The following SLC44A1 variants were observed in gnomAD, a reference collection of about 807,000 sequenced individuals.
SLC44A1 encodes solute carrier family 44 member 1, also known as choline transporter-like protein 1.
A neutral mutation model predicts 79.3 loss-of-function variants in SLC44A1; 26 were observed. That is an observed-to-expected ratio of 0.33 (90% confidence interval 0.24 to 0.46). The LOEUF (loss-of-function observed/expected upper bound fraction) is 0.46. SLC44A1 is among the 20% of genes least tolerant of loss of function. The probability of loss-of-function intolerance (pLI) is 1.00; values close to 1 mark genes in which losing one functional copy is unlikely to be tolerated. For synonymous variants in SLC44A1, 263 were observed against 286.2 expected, an observed-to-expected ratio of 0.92 and a Z score of 0.82; for missense variants, 688 against 798.1, an observed-to-expected ratio of 0.86 and a Z score of 1.66.
At chr9:105,270,964 C>T (rs1225227051) in intron 1 of SLC44A1, among the ~76,000 whole-genome samples, 1 of 152,174 alleles carries the variant, frequency 6.6e-6, no homozygotes, top group Admixed American at 6.5e-5. Flanking sequence ...AATTAGGTTC[C>T]CTCTTCTAGG....
intron 1 of SLC44A1, among the ~76,000 whole-genome samples, chr9:105,258,543 G>A (rs780452263): frequency 2.0e-5 from 3 of 152,186 alleles, no homozygotes; most frequent in African/African-American, 7.2e-5. Context: ...GTAAAACTGG[G>A]AGTAGTTCCA....
rs186326002 is a variant in SLC44A1 at position 105,407,645 on chromosome 9, G to A, written c.1950+22143G>A. Among the ~76,000 whole-genome samples the A allele has an allele frequency of 1.8e-3, 281 of 152,162 alleles. 2 individuals carry two copies. The highest frequency in any genetic ancestry group is 6.3e-3 in the African/African-American group (260 of 41,514). On this transcript the variant is annotated intron_variant, in intron 15 of 15. Transcript: ENST00000374724. The stretch of plus-strand genomic sequence containing the variant: ...AGCACTTTGGGAGGCTGAGGCAGGC[G>A]GATTACCTGAGGTCAGGAGTTCAAG...
intron 15 of SLC44A1, among the ~76,000 whole-genome samples, chr9:105,420,241 G>A (rs1829228163): frequency 6.6e-6 from 1 of 152,184 alleles, no homozygotes; most frequent in African/African-American, 2.4e-5. Context: ...GAGGAAAGAG[G>A]CCAAATGTCC....
Position 105,395,844 on chromosome 9 carries a change from C to T in SLC44A1, c.*6788C>T. The T allele has an allele frequency of 1.0e-5, 10 of 980,158 alleles. No homozygotes were observed. Among genetic ancestry groups the T allele is most frequent in the Non-Finnish European group, 1.2e-5 (10 of 826,690 alleles). 60.7% of individuals were successfully genotyped at this position (980,158 alleles called of 1,614,324 possible). A position where few individuals can be genotyped will look rare whatever the true frequency, so the allele number is the denominator to read the frequency against. On this transcript the variant is annotated 3_prime_UTR_variant, in exon 16 of 16. Coordinates refer to ENST00000374720, the MANE Select transcript of SLC44A1 (RefSeq NM_080546.5). ...GGGTTCCATGGATCATTCTAGTTGC[C>T]ACTAGAAAATGTGAGCTCCTTCTTC...
At position 105,302,362 on chromosome 9, in the gene SLC44A1, C is replaced by CT. The variant is rs1024189110; in HGVS notation, c.126+3062dup. Reference sequence around the variant, plus strand: ...TGGGATCTCTTCTTTTTTTTCTTTTCTTTTTTTTTGAGACAGAGTCTTGCT... The same window carrying CT: ...TGGGATCTCTTCTTTTTTTTCTTTTCTTTTTTTTTTGAGACAGAGTCTTGCT... On this transcript the variant is annotated intron_variant, in intron 2 of 15. Coordinates refer to ENST00000374720, the MANE Select transcript of SLC44A1 (RefSeq NM_080546.5). Among the ~76,000 whole-genome samples the CT allele has an allele frequency of 5.0e-4, 75 of 149,994 alleles. 1 individual carries two copies. Among genetic ancestry groups the CT allele is most frequent in the Non-Finnish European group, 5.5e-4 (37 of 67,410 alleles).
chr9:105,381,961 C>CT lies in SLC44A1; in HGVS notation c.1633-1156dup, dbSNP rs368065112. ...GAGGCTGCCATGATTCTAGGGGTCT[C>CT]TTTTTTCCCTTTACTTAAAGCCTTA... On this transcript the variant is annotated intron_variant, in intron 13 of 15. Coordinates refer to ENST00000374720, the MANE Select transcript of SLC44A1 (RefSeq NM_080546.5). Among the ~76,000 whole-genome samples the CT allele has an allele frequency of 1.3e-3, 192 of 152,246 alleles. 1 individual carries two copies. The highest frequency in any genetic ancestry group is 0.01 in the Middle Eastern group (3 of 294).
At chr9:105,327,710 A>G (rs1426965582) in intron 3 of SLC44A1, among the ~76,000 whole-genome samples, 1 of 151,178 alleles carries the variant, frequency 6.6e-6, no homozygotes, top group Non-Finnish European at 1.5e-5. Flanking sequence ...CGCTGTTCCT[A>G]CCCCCTTTCA....
intron 3 of SLC44A1, among the ~76,000 whole-genome samples, chr9:105,317,283 G>A (rs1275215808): frequency 6.6e-6 from 1 of 152,140 alleles, no homozygotes; most frequent in Non-Finnish European, 1.5e-5. Context: ...GTACATATGA[G>A]TTGAAGACTC....
intron 3 of SLC44A1, among the ~76,000 whole-genome samples, chr9:105,329,206 T>TG: frequency 2.0e-5 from 3 of 152,198 alleles, no homozygotes; most frequent in Non-Finnish European, 4.4e-5. Context: ...CTATAAATTG[T>TG]AAATTGATAT....
chr9:105,274,117 T>G (rs1216294571), intron 1 of SLC44A1, among the ~76,000 whole-genome samples: 2 of 152,234 alleles, frequency 1.3e-5, no homozygotes, highest in Non-Finnish European at 2.9e-5. Context: ...TATCCATCTG[T>G]GAGGTTTTGC....
chr9:105,341,156 G>GAACT (rs1827074791), intron 4 of SLC44A1, among the ~76,000 whole-genome samples: 2 of 152,004 alleles, frequency 1.3e-5, no homozygotes, highest in South Asian at 4.2e-4. Flanking sequence ...CCAACATGGT[G>GAACT]AAACCTCATC....
At chr9:105,297,974 A>G (rs1830771927) in intron 1 of SLC44A1, among the ~76,000 whole-genome samples, 1 of 151,940 alleles carries the variant, frequency 6.6e-6, no homozygotes, top group African/African-American at 2.4e-5. Context: ...TTCTCCCTTC[A>G]CTGCTTACTG....
At chr9:105,248,787 C>G (rs1385064247) in intron 1 of SLC44A1, among the ~76,000 whole-genome samples, 1 of 152,208 alleles carries the variant, frequency 6.6e-6, no homozygotes, top group East Asian at 1.9e-4. Flanking sequence ...TAATTTCTAT[C>G]CTTGTAATGT....
chr9:105,395,829 G>A lies in SLC44A1; in HGVS notation c.*6773G>A, dbSNP rs1457989054. On this transcript the variant is annotated 3_prime_UTR_variant, in exon 16 of 16. Coordinates refer to ENST00000374720, the MANE Select transcript of SLC44A1 (RefSeq NM_080546.5). ...TTGGGCAGATAGAATGGGTTCCATG[G>A]ATCATTCTAGTTGCCACTAGAAAAT... The A allele has an allele frequency of 1.0e-6, 1 of 983,746 alleles. No individual in the cohort carries two copies. The highest frequency in any genetic ancestry group is 1.2e-6 in the Non-Finnish European group (1 of 829,174). 60.9% of individuals were successfully genotyped at this position (983,746 alleles called of 1,614,324 possible). A position where few individuals can be genotyped will look rare whatever the true frequency, so the allele number is the denominator to read the frequency against.
intron 1 of SLC44A1, among the ~76,000 whole-genome samples, chr9:105,286,796 T>C (rs1830489182): frequency 6.6e-6 from 1 of 151,952 alleles, no homozygotes; most frequent in Non-Finnish European, 1.5e-5. Context: ...AGACCCCATC[T>C]CTACAAAAAA....
At chr9:105,429,716 C>A (rs1761423638) in intron 15 of SLC44A1, among the ~76,000 whole-genome samples, 1 of 152,222 alleles carries the variant, frequency 6.6e-6, no homozygotes, top group East Asian at 1.9e-4. Flanking sequence ...AATCATCATC[C>A]AAGATTTAGA....
At chr9:105,399,129 G>T (rs765168611), downstream of SLC44A1, among the ~76,000 whole-genome samples, 2 of 152,148 alleles carry the variant, frequency 1.3e-5, no homozygotes, top group African/African-American at 2.4e-5. Context: ...AATTTGATGT[G>T]CCTCATTTAC....
Position 105,389,321 on chromosome 9 carries a change from A to G in SLC44A1, c.*265A>G, listed in dbSNP as rs750549744. 6 of 1,171,632 alleles carry G rather than the reference A, an allele frequency of 5.1e-6. No homozygotes were observed. The highest frequency in any genetic ancestry group is 5.3e-6 in the Non-Finnish European group (5 of 949,102). The allele number at this position is 1,171,632 out of a possible 1,614,324, so 72.6% of individuals were successfully genotyped here. On this transcript the variant is annotated 3_prime_UTR_variant, in exon 16 of 16. Transcript: ENST00000374720. ...CAACTTCCGTCATTTAATGTTTTCA[A>G]CTGTAATTGTCTTAATGGAAATGTT...
chr9:105,407,220 A>C (rs1829040194), intron 15 of SLC44A1, among the ~76,000 whole-genome samples: 1 of 152,202 alleles, frequency 6.6e-6, no homozygotes, highest in Non-Finnish European at 1.5e-5. Context: ...TATTTGAAGA[A>C]ATATTGTCTT....
Sources: allele counts gnomAD v4.1 joint callset (sites outside exome capture counted in the v4.1 genomes callset), GRCh38; gene constraint gnomAD v4.1.1; transcripts MANE v1.5; gene names NCBI Gene and HGNC (gene_info 2026-07-23, HGNC 2026-07-21).